The following PMPCA variants were observed in gnomAD, a reference collection of about 807,000 sequenced individuals.
PMPCA encodes the protein mitochondrial-processing peptidase subunit alpha.
In PMPCA, 47 loss-of-function variants were observed where a neutral mutation model predicts 59.3. That is an observed-to-expected ratio of 0.79 (90% CI 0.63 to 1.01). The LOEUF (loss-of-function observed/expected upper bound fraction) is 1.01, where lower values mean the gene tolerates loss of function less well. Ranked by LOEUF, PMPCA falls within the 50% of genes least tolerant of loss-of-function variation. The pLI, the probability that PMPCA is intolerant of heterozygous loss-of-function variation, is 0.00. For synonymous variants in PMPCA, 338 were observed against 290.3 expected, an observed-to-expected ratio of 1.16 and a Z score of -1.67; for missense variants, 726 against 704.5, an observed-to-expected ratio of 1.03 and a Z score of -0.34.
intron 11 of PMPCA, chr9:136,419,321 C>A: frequency 1.6e-6 from 1 of 623,406 alleles, no homozygotes; most frequent in Non-Finnish European, 2.9e-6. Context: ...GGTCCAAACC[C>A]CGAAAACAGA....
chr9:136,423,367 T>A lies in PMPCA; in HGVS notation c.*103T>A. ...TAGTCTAAAAAGCTGTCTGGTTGTA[T>A]AAACGGTGCAAACAATGTCGCCACA... On this transcript the variant is annotated 3_prime_UTR_variant, in exon 13 of 13. Transcript: ENST00000371717. 8.1e-7 allele frequency: 1 copy of A among 1,233,122 alleles called. No individual in the cohort carries two copies. The highest frequency in any genetic ancestry group is 1.1e-6 in the Non-Finnish European group (1 of 898,284). 76.4% of individuals were successfully genotyped at this position (1,233,122 alleles called of 1,614,324 possible).
At chr9:136,415,751 G>A (rs537872257) in intron 5 of PMPCA, among the ~76,000 whole-genome samples, 21 of 152,230 alleles carry the variant, frequency 1.4e-4, no homozygotes, top group Non-Finnish European at 2.1e-4. Flanking sequence ...TCCTGCCTCA[G>A]CCTCCTGAGT....
chr9:136,423,062 G>A (rs746091612), intron 12 of PMPCA, 33 bp from the exon 13 acceptor site: 27 of 1,588,044 alleles, frequency 1.7e-5, no homozygotes, highest in Middle Eastern at 1.7e-4. Flanking sequence ...GCCGTGGCGC[G>A]CTCGTGTGAC....
At chr9:136,416,414 G>T in intron 6 of PMPCA, 23 bp downstream of exon 6, 1 of 1,516,258 alleles carries the variant, frequency 6.6e-7, no homozygotes, top group Non-Finnish European at 9.2e-7. Context: ...ACTCGAGAAT[G>T]CCCCCGCATC....
chr9:136,418,057 C>G lies in PMPCA; in HGVS notation c.938C>G (p.Pro313Arg). ...DMSNVSLGPT[P>R]IPELTHIMVG... ...TCCAATGTCAGCCTGGGCCCGACCC[C>G]CATCCCCGAGCTCACGCACATCATG... Residue 313 changes from proline to arginine, a missense_variant, in exon 8 of 13, where the codon CCC (proline) becomes CGC (arginine). Pro to Arg is a moderately radical substitution (Grantham distance 103). Transcript: ENST00000371717. 4 of 1,614,024 alleles carry G rather than the reference C, an allele frequency of 2.5e-6. No homozygotes were observed. Among genetic ancestry groups the G allele is most frequent in the Non-Finnish European group, 3.4e-6 (4 of 1,179,836 alleles).
intron 5 of PMPCA, 120 bp downstream of exon 5, chr9:136,414,767 C>A (rs566576703): frequency 2.9e-6 from 2 of 678,306 alleles, no homozygotes; most frequent in Non-Finnish European, 2.7e-6. Flanking sequence ...TAGGCCAACA[C>A]AAAGTGACAG....
intron 3 of PMPCA, 57 bp downstream of exon 3, chr9:136,412,626 T>G (rs1835166723): frequency 2.1e-6 from 2 of 943,630 alleles, no homozygotes; most frequent in Non-Finnish European, 3.4e-6. Flanking sequence ...GTTTGAGATT[T>G]TTCTTGTCTA....
In PMPCA at chr9:136,412,209, G is replaced by T; in HGVS notation, c.274+10G>T. 2 of 1,600,780 alleles carry T rather than the reference G, an allele frequency of 1.2e-6. No homozygotes were observed. Among genetic ancestry groups the T allele is most frequent in the Non-Finnish European group, 1.7e-6 (2 of 1,167,928 alleles). ...TTTTGTACAGTAGGAAGTAAGTACT[G>T]TTGTGTTGTCGTGGGTGGTCCCGCA... On this transcript the variant is annotated intron_variant, in intron 2 of 12. Coordinates refer to ENST00000371717, the MANE Select transcript of PMPCA (RefSeq NM_015160.3).
intron 1 of PMPCA, 34 bp downstream of exon 1, chr9:136,410,773 G>A (rs371575861): frequency 6.2e-5 from 85 of 1,375,920 alleles, no homozygotes; most frequent in Non-Finnish European, 7.1e-5. Flanking sequence ...TCGGCCTGGG[G>A]CGGGGGCGGC....
At chr9:136,422,851 G>T in intron 12 of PMPCA, 1 of 1,322,420 alleles carries the variant, frequency 7.6e-7, no homozygotes, top group Non-Finnish European at 9.7e-7. Context: ...ACTCTTCTTG[G>T]GTGGCTTTGT....
Position 136,412,898 on chromosome 9 carries a change from C to G in PMPCA, c.437+6C>G, listed in dbSNP as rs375358633. Reference sequence around the variant, plus strand: ...TGTGACTGCCAGACATCAAGGTACACCAGCTTTTGTGTACAAACTGACTTT... The same window carrying G: ...TGTGACTGCCAGACATCAAGGTACAGCAGCTTTTGTGTACAAACTGACTTT... On this transcript the variant is annotated splice_donor_region_variant and intron_variant, in intron 4 of 12. Transcript: ENST00000371717. 2.6e-6 allele frequency: 4 copies of G among 1,553,574 alleles called. No homozygotes were observed. Among genetic ancestry groups the G allele is most frequent in the Non-Finnish European group, 3.6e-6 (4 of 1,126,264 alleles).
At position 136,419,058 on chromosome 9, in the gene PMPCA, A is replaced by G. The variant is rs748227967; in HGVS notation, c.1215A>G (p.Val405=). 1.2e-6 allele frequency: 2 copies of G among 1,614,046 alleles called. No individual in the cohort carries two copies. The highest frequency in any genetic ancestry group is 2.2e-5 in the East Asian group (1 of 44,880). Residue 405 remains valine, a synonymous_variant, in exon 11 of 13, where the codon GTA becomes GTG. Transcript: ENST00000371717. The stretch of plus-strand genomic sequence containing the variant: ...CTTCTTCGCAGGTTCGAGAAATGGT[A>G]GAAATCATCACAAAGGAGTTTATTT... The part of the protein sequence containing the change: ...SADPRQVREM[V]EIITKEFILM...
chr9:136,414,420 C>T, intron 4 of PMPCA, 133 bp from the exon 5 acceptor site: 1 of 669,528 alleles, frequency 1.5e-6, no homozygotes, highest in South Asian at 1.7e-5. Flanking sequence ...CCCAAGTGTC[C>T]CCTGGCTGTT....
intron 4 of PMPCA, among the ~76,000 whole-genome samples, chr9:136,413,759 T>C (rs1407971364): frequency 6.6e-6 from 1 of 152,164 alleles, no homozygotes; most frequent in Non-Finnish European, 1.5e-5. Flanking sequence ...CCCCTCGCCC[T>C]CAGCTCAGGC....
At chr9:136,417,889 A>T in intron 7 of PMPCA, 128 bp from the exon 8 acceptor site, 1 of 734,770 alleles carries the variant, frequency 1.4e-6, no homozygotes, top group Non-Finnish European at 2.4e-6. Context: ...CTGGGATTTT[A>T]GGCATGAGCC....
intron 11 of PMPCA, chr9:136,420,704 C>T (rs1158347388): frequency 6.6e-6 from 1 of 152,222 alleles, no homozygotes; most frequent in East Asian, 1.9e-4. Flanking sequence ...AAAAACAGTC[C>T]TCCACTAACG....
At position 136,418,029 on chromosome 9, in the gene PMPCA, A is replaced by G; in HGVS notation, c.910A>G (p.Met304Val). Residue 304 changes from methionine (M) to valine (V), a missense_variant, in exon 8 of 13, where the codon ATG becomes GTG. Coordinates refer to ENST00000371717, the MANE Select transcript of PMPCA (RefSeq NM_015160.3). ...TTCTTGGTTACAGCTAGAAAGAGACATGTCCAATGTCAGCCTGGGCCCGAC... is the reference window on the plus strand; with the variant it reads ...TTCTTGGTTACAGCTAGAAAGAGACGTGTCCAATGTCAGCCTGGGCCCGAC... ...TGGIAKLERD[M>V]SNVSLGPTPI... is the part of the protein sequence containing the mutation. 4 of 1,612,962 alleles carry G rather than the reference A, an allele frequency of 2.5e-6. No individual in the cohort carries two copies. The highest frequency in any genetic ancestry group is 2.5e-6 in the Non-Finnish European group (3 of 1,178,912).
chr9:136,421,953 C>T lies in PMPCA; in HGVS notation c.1385C>T (p.Pro462Leu), dbSNP rs1227616870. ...CTGGCCACTCGCTCCAGAAAGCTGCCGCACGAGCTGTGCACGCTCATCCGT... is the reference window on the plus strand; with the variant it reads ...CTGGCCACTCGCTCCAGAAAGCTGCTGCACGAGCTGTGCACGCTCATCCGT... ...QVLATRSRKL[P>L]HELCTLIRNV... Residue 462 changes from proline (P) to leucine (L), a missense_variant, in exon 12 of 13, where the codon CCG becomes CTG. Transcript: ENST00000371717. The T allele has an allele frequency of 4.3e-6, 7 of 1,612,648 alleles. No individual in the cohort carries two copies. The highest frequency in any genetic ancestry group is 4.5e-5 in the East Asian group (2 of 44,840).
intron 5 of PMPCA, among the ~76,000 whole-genome samples, chr9:136,415,897 T>G (rs1031457576): frequency 6.6e-6 from 1 of 152,082 alleles, no homozygotes; most frequent in African/African-American, 2.4e-5. Context: ...CCTCCCAAAG[T>G]GCTGGGATTA....
Sources: allele counts gnomAD v4.1 joint callset (sites outside exome capture counted in the v4.1 genomes callset), GRCh38; gene constraint gnomAD v4.1.1; transcripts MANE v1.5; gene names NCBI Gene and HGNC (gene_info 2026-07-23, HGNC 2026-07-21).